Variants in DNAJC5 observed in about 807,000 individuals in gnomAD.
DNAJC5 encodes DnaJ heat shock protein family (Hsp40) member C5, also known as dnaJ homolog subfamily C member 5.
Under a neutral mutation model 23.2 loss-of-function variants are expected in DNAJC5, and 1 was observed. That is an observed-to-expected ratio of 0.04 (90% CI 0.02 to 0.20). DNAJC5 has a LOEUF of 0.20. Ranked by LOEUF, DNAJC5 falls within the 10% of genes least tolerant of loss-of-function variation. The pLI is 1.00. For missense variants in DNAJC5, 180 were observed against 267.0 expected (o/e 0.67, Z 2.27); for synonymous variants, 136 against 120.0 (o/e 1.13, Z -0.87).
intron 1 of DNAJC5, among the ~76,000 whole-genome samples, chr20:63,903,681 G>A (rs1296428367): frequency 1.3e-5 from 2 of 152,088 alleles, no homozygotes; most frequent in Non-Finnish European, 2.9e-5. Context: ...CAGGCTTAGT[G>A]GTTTAAGCCT....
chr20:63,907,890 C>T (rs898875627), intron 1 of DNAJC5, among the ~76,000 whole-genome samples: 1 of 152,198 alleles, frequency 6.6e-6, no homozygotes, highest in African/African-American at 2.4e-5. Flanking sequence ...CTCAGCTTCC[C>T]CAGTAGCTGG....
intron 1 of DNAJC5, among the ~76,000 whole-genome samples, chr20:63,923,801 A>C (rs2053590245): frequency 6.6e-6 from 1 of 152,176 alleles, no homozygotes; most frequent in African/African-American, 2.4e-5. Flanking sequence ...TAAGAATGAA[A>C]AGAAAATCTG....
At chr20:63,898,895 T>C (rs1404977319) in intron 1 of DNAJC5, among the ~76,000 whole-genome samples, 1 of 152,166 alleles carries the variant, frequency 6.6e-6, no homozygotes, top group East Asian at 1.9e-4. Flanking sequence ...CATCGTGATG[T>C]TCTGATTAGA....
chr20:63,922,950 A>G (rs994869110), intron 1 of DNAJC5, among the ~76,000 whole-genome samples: 9 of 151,096 alleles, frequency 6.0e-5, no homozygotes, highest in African/African-American at 2.2e-4. Flanking sequence ...AGACCAGCCT[A>G]GCCAACATGG....
intron 3 of DNAJC5, 123 bp from the exon 4 acceptor site, chr20:63,930,728 C>T: frequency 1.4e-6 from 2 of 1,468,684 alleles, no homozygotes; most frequent in Non-Finnish European, 1.9e-6. Flanking sequence ...TGCTTCCTGT[C>T]TGGAAGGCAG....
At chr20:63,921,938 C>T (rs1437238593) in intron 1 of DNAJC5, among the ~76,000 whole-genome samples, 1 of 151,994 alleles carries the variant, frequency 6.6e-6, no homozygotes, top group African/African-American at 2.4e-5. Context: ...ACCGTCACAC[C>T]CAGCTAATTT....
intron 1 of DNAJC5, among the ~76,000 whole-genome samples, chr20:63,916,398 G>C (rs1338751791): frequency 6.6e-6 from 1 of 152,220 alleles, no homozygotes; most frequent in Non-Finnish European, 1.5e-5. Context: ...GGGCCGCGAT[G>C]CCCGCCTGAG....
rs1378956635 is a variant in DNAJC5 at position 63,920,920 on chromosome 20, T to C, written c.-11-7415T>C. On this transcript the variant is annotated intron_variant, in intron 1 of 4. Transcript: ENST00000360864. The surrounding 1 kb of genome is among the most constrained non-coding windows in gnomAD (Gnocchi z 4.6). ...TCGAACTCCTGGCCACAAGAAGCAATCCACCTGCCTCAGCCTCCCAAAGCC... is the reference window on the plus strand; with the variant it reads ...TCGAACTCCTGGCCACAAGAAGCAACCCACCTGCCTCAGCCTCCCAAAGCC... 6.6e-6 allele frequency among the ~76,000 whole-genome samples: 1 copy of C among 151,810 alleles called. No homozygotes were observed. Among genetic ancestry groups the C allele is most frequent in the Non-Finnish European group, 1.5e-5 (1 of 67,964 alleles).
chr20:63,918,682 A>G (rs893156109), intron 1 of DNAJC5, among the ~76,000 whole-genome samples: 7 of 151,976 alleles, frequency 4.6e-5, no homozygotes, highest in Admixed American at 2.6e-4. Context: ...GGCAAGCTCT[A>G]CCTCCCAGGT....
At position 63,931,485 on chromosome 20, in the gene DNAJC5, G is replaced by A. The variant is rs771796509; in HGVS notation, c.514G>A (p.Val172Ile). The change falls in exon 5 of 5, where the codon GTC becomes ATC. Residue 172 changes from valine (V) to isoleucine (I), a missense_variant. Transcript: ENST00000360864. This position sits in a 1 kb window ranked among gnomAD's most constrained non-coding sequence, Gnocchi z 9.6. ...DEREATDTPIVIQPASATETT... is the reference protein window; with the variant it reads ...DEREATDTPIIIQPASATETT... ...TTCAGAGGCCACAGACACGCCGATC[G>A]TCATACAGCCGGCATCCGCCACCGA... The A allele has an allele frequency of 1.1e-5, 18 of 1,571,256 alleles. No homozygotes were observed. Among genetic ancestry groups the A allele is most frequent in the South Asian group, 5.8e-5 (5 of 86,086 alleles).
At chr20:63,899,973 C>T (rs972210345) in intron 1 of DNAJC5, among the ~76,000 whole-genome samples, 1 of 150,544 alleles carries the variant, frequency 6.6e-6, no homozygotes, top group Non-Finnish European at 1.5e-5. Context: ...ATGGCAACCT[C>T]TGCCTCCTAG....
intron 1 of DNAJC5, among the ~76,000 whole-genome samples, chr20:63,911,667 A>T (rs1163883713): frequency 6.6e-6 from 1 of 150,506 alleles, no homozygotes; most frequent in Non-Finnish European, 1.5e-5. Flanking sequence ...GTTTCCAGGG[A>T]CTTTAGGAAT....
At position 63,931,626 on chromosome 20, in the gene DNAJC5, A is replaced by G. The variant is rs2053672676; in HGVS notation, c.*58A>G. On this transcript the variant is annotated 3_prime_UTR_variant, in exon 5 of 5. Coordinates refer to ENST00000360864, the MANE Select transcript of DNAJC5 (RefSeq NM_025219.3). The surrounding 1 kb of genome is among the most constrained non-coding windows in gnomAD (Gnocchi z 9.6). ...GGCGCCTGGCCACGCCAACCTTAGA[A>G]TCATGAACTGTAGTCACAGAGATGG... 2.0e-6 allele frequency: 3 copies of G among 1,470,056 alleles called. No homozygotes were observed. The South Asian group carries it at 3.6e-5, about 18-fold the overall frequency. 91.1% of individuals were successfully genotyped at this position (1,470,056 alleles called of 1,614,324 possible).
chr20:63,919,253 G>C (rs539022731), intron 1 of DNAJC5, among the ~76,000 whole-genome samples: 28 of 152,350 alleles, frequency 1.8e-4, no homozygotes, highest in Non-Finnish European at 2.5e-4. Flanking sequence ...ATTTTTGCCT[G>C]TTTGGTTTAT....
intron 1 of DNAJC5, among the ~76,000 whole-genome samples, chr20:63,925,309 C>T (rs1403405858): frequency 1.3e-5 from 2 of 152,124 alleles, no homozygotes. Context: ...TGTGGTGAAA[C>T]CCCATCTCTA....
chr20:63,931,748 A>G lies in DNAJC5; in HGVS notation c.*180A>G, dbSNP rs1353927614. On this transcript the variant is annotated 3_prime_UTR_variant, in exon 5 of 5. Transcript: ENST00000360864. This position sits in a 1 kb window ranked among gnomAD's most constrained non-coding sequence, Gnocchi z 9.6. ...TTGACCCACGAAGTGCGTAGCATGCAGTATTTAAAGCAGTGTAGCTACGGT... is the reference window on the plus strand; with the variant it reads ...TTGACCCACGAAGTGCGTAGCATGCGGTATTTAAAGCAGTGTAGCTACGGT... 3.0e-6 allele frequency: 2 copies of G among 674,352 alleles called. No homozygotes were observed. The highest frequency in any genetic ancestry group is 2.2e-5 in the Admixed American group (1 of 45,660). 41.8% of individuals were successfully genotyped at this position (674,352 alleles called of 1,614,324 possible).
chr20:63,911,071 A>G (rs1435946995), intron 1 of DNAJC5, among the ~76,000 whole-genome samples: 2 of 152,104 alleles, frequency 1.3e-5, no homozygotes, highest in African/African-American at 4.8e-5. Flanking sequence ...AGTTTACAAG[A>G]AAAAAAATCT....
intron 1 of DNAJC5, among the ~76,000 whole-genome samples, chr20:63,926,083 C>T (rs1267302864): frequency 1.3e-5 from 2 of 152,176 alleles, no homozygotes; most frequent in African/African-American, 2.4e-5. Flanking sequence ...CCGCCTTGGC[C>T]TCCCAAAGTG....
In DNAJC5 at chr20:63,929,256, CG is replaced by C. The variant is rs1291397570; in HGVS notation, c.108-53del. On this transcript the variant is annotated intron_variant, in intron 2 of 4. Transcript: ENST00000360864. This position sits in a 1 kb window ranked among gnomAD's most constrained non-coding sequence, Gnocchi z 8.6. ...CGTGCGGGTGGGATGGACGCGGCGGCGGGTGCGGGTGGAACAAAGTCCAGGG... is the reference window on the plus strand; with the variant it reads ...CGTGCGGGTGGGATGGACGCGGCGGCGGTGCGGGTGGAACAAAGTCCAGGG... 3.2e-6 allele frequency: 5 copies of C among 1,565,634 alleles called. No homozygotes were observed. The Admixed American group carries it at 7.6e-5, about 24-fold the overall frequency.
Sources: allele counts gnomAD v4.1 joint callset (sites outside exome capture counted in the v4.1 genomes callset), GRCh38; gene constraint gnomAD v4.1.1; non-coding constraint Gnocchi (gnomAD v3.1); transcripts MANE v1.5; gene names NCBI Gene and HGNC (gene_info 2026-07-23, HGNC 2026-07-21).